MROH2A: variants seen among roughly 807,000 people sequenced by gnomAD.
The protein encoded by MROH2A is maestro heat-like repeat-containing protein family member 2A.
In MROH2A, 174 loss-of-function variants were observed where a neutral mutation model predicts 200.4. That is an observed-to-expected ratio of 0.87 (90% CI 0.77 to 0.98). MROH2A has a LOEUF of 0.98. MROH2A is among the 50% of genes least tolerant of loss of function. The probability of loss-of-function intolerance (pLI) is 0.00; values close to 1 mark genes in which losing one functional copy is unlikely to be tolerated. For missense variants in MROH2A, 2,045 were observed against 2,139.6 expected, an observed-to-expected ratio of 0.96 and a Z score of 0.87; for synonymous variants, 829 against 840.4, an observed-to-expected ratio of 0.99 and a Z score of 0.23.
rs191949663 is a variant in MROH2A, at chr2:233,799,747, A to C, written c.1330-33A>C. ...ATTGGGTGCCTTGGAGCCCACCCCA[A>C]CCCCCAGCATGTCCACGGTCCTGTC... On this transcript the variant is annotated intron_variant, in intron 12 of 41. Transcript: ENST00000389758. The C allele has an allele frequency of 8.9e-3, 13,794 of 1,549,008 alleles. 94 individuals are homozygous for C. The highest frequency in any genetic ancestry group is 0.01 in the Non-Finnish European group (11,885 of 1,146,464).
intron 38 of MROH2A, among the ~76,000 whole-genome samples, chr2:233,830,468 TAAC>T (rs904191359): frequency 1.3e-5 from 2 of 152,174 alleles, no homozygotes; most frequent in Non-Finnish European, 2.9e-5. Flanking sequence ...GCAGCTGGCC[TAAC>T]ATGAAAGAAA....
intron 13 of MROH2A, 61 bp from the exon 14 acceptor site, chr2:233,800,144 C>CT (rs1702366021): frequency 3.1e-6 from 4 of 1,295,352 alleles, no homozygotes; most frequent in South Asian, 2.8e-5. Context: ...GAGACCACAC[C>CT]TGAGACCACG....
At chr2:233,784,736 G>A (rs6723936) in intron 3 of MROH2A, among the ~76,000 whole-genome samples, 96,150 of 152,108 alleles carry the variant, frequency 0.63, 30,539 homozygotes, top group Middle Eastern at 0.72. Context: ...AGCAGAGGCC[G>A]GCAGCATACT....
In MROH2A at chr2:233,795,636, T is replaced by C; in HGVS notation, c.967-17T>C. 6.4e-7 allele frequency: 1 copy of C among 1,550,900 alleles called. No individual in the cohort carries two copies. On this transcript the variant is annotated splice_polypyrimidine_tract_variant and intron_variant, in intron 8 of 41. Transcript: ENST00000389758. ...TTGGTAGAAGGTCACCTGCCACCAT[T>C]TGCCAATCCACTGCAGGTCTTGAGG...
chr2:233,809,021 C>G, intron 21 of MROH2A, 105 bp from the exon 22 acceptor site: 1 of 1,301,342 alleles, frequency 7.7e-7, no homozygotes, highest in Non-Finnish European at 1.0e-6. Flanking sequence ...TGAAGCACCG[C>G]CAGCTGACTC....
At chr2:233,780,080 C>T (rs1700875778) in intron 3 of MROH2A, among the ~76,000 whole-genome samples, 1 of 152,186 alleles carries the variant, frequency 6.6e-6, no homozygotes, top group Non-Finnish European at 1.5e-5. Flanking sequence ...GAGCCATTGT[C>T]CTACAGCACA....
chr2:233,823,688 G>T (rs1442358905), intron 35 of MROH2A, 24 bp downstream of exon 35: 1 of 1,546,202 alleles, frequency 6.5e-7, no homozygotes. Context: ...ACCGGGTGTG[G>T]GCGGGGTGCA....
intron 15 of MROH2A, chr2:233,802,522 T>C (rs953465835): frequency 2.1e-5 from 12 of 558,190 alleles, no homozygotes; most frequent in Non-Finnish European, 3.1e-5. Flanking sequence ...GTAAACTTCC[T>C]TTGGATAGCT....
chr2:233,818,893 C>T (rs565571462), intron 29 of MROH2A, 123 bp downstream of exon 29: 29 of 641,204 alleles, frequency 4.5e-5, no homozygotes, highest in African/African-American at 9.2e-5. Flanking sequence ...TCAGCTTCCA[C>T]GGCCTTTGGC....
chr2:233,788,222 G>A (rs934393830), intron 3 of MROH2A, among the ~76,000 whole-genome samples: 23 of 123,820 alleles, frequency 1.9e-4, no homozygotes, highest in African/African-American at 7.2e-4. Flanking sequence ...TTAAAGTCTC[G>A]TTGGGGTGTG....
At position 233,796,026 on chromosome 2, in the gene MROH2A, G is replaced by A. The variant is rs770223844; in HGVS notation, c.1119G>A (p.Val373=). The A allele has an allele frequency of 1.0e-5, 16 of 1,550,578 alleles. No homozygotes were observed. The highest frequency in any genetic ancestry group is 1.4e-5 in the African/African-American group (1 of 73,180). The change falls in exon 10 of 42, where the codon GTG becomes GTA. Residue 373 remains valine (V), a synonymous_variant. Coordinates refer to ENST00000389758, the MANE Select transcript of MROH2A (RefSeq NM_001394639.1). ...GCAGCCAGAATCTGATGGAGATGGT[G>A]CACTGCTTCGTAGCCCTTGGTGAGG... ...QYSSQNLMEM[V]HCFVALARSY...
chr2:233,809,002 ACAGT>A (rs1702981665), intron 21 of MROH2A, 120 bp from the exon 22 acceptor site: 12 of 1,028,308 alleles, frequency 1.2e-5, no homozygotes, highest in African/African-American at 1.6e-5. Context: ...CACCCAGAAA[ACAGT>A]CAGGTGAAGC....
At chr2:233,817,096 C>A (rs1419712422) in intron 27 of MROH2A, among the ~76,000 whole-genome samples, 1 of 152,132 alleles carries the variant, frequency 6.6e-6, no homozygotes, top group Non-Finnish European at 1.5e-5. Context: ...CTTTGTGGGG[C>A]CTGTGGCTTC....
chr2:233,807,369 C>T lies in MROH2A; in HGVS notation c.2053-54C>T. 2.6e-6 allele frequency: 4 copies of T among 1,511,712 alleles called. No homozygotes were observed. Among genetic ancestry groups the T allele is most frequent in the Non-Finnish European group, 3.6e-6 (4 of 1,125,684 alleles). The allele number at this position is 1,511,712 out of a possible 1,614,324, so 93.6% of individuals were successfully genotyped here. ...AGAAAACTCTCTACAACAGCACCCC[C>T]TGAAGGCTGGCTGTAGGGAGGCCTG... On this transcript the variant is annotated intron_variant, in intron 19 of 41. Transcript: ENST00000389758. This position sits in a 1 kb window ranked among gnomAD's most constrained non-coding sequence, Gnocchi z 4.3.
rs765175624 is a variant in MROH2A, at chr2:233,789,514, G to A, written c.294G>A (p.Lys98=). 8.1e-5 allele frequency: 117 copies of A among 1,448,160 alleles called. No individual in the cohort carries two copies. Among genetic ancestry groups the A allele is most frequent in the Non-Finnish European group, 1.0e-4 (114 of 1,097,626 alleles). The allele number at this position is 1,448,160 out of a possible 1,614,324, so 89.7% of individuals were successfully genotyped here. The change falls in exon 4 of 42, where the codon AAG becomes AAA. Residue 98 remains lysine, a synonymous_variant. Coordinates refer to ENST00000389758, the MANE Select transcript of MROH2A (RefSeq NM_001394639.1). ...LQVPEISTQR[K]VNIYNILQDI... ...TTTCCCAGATTTCCACCCAGCGCAAGGTCAACATTTACAACATCCTCCAGG... is the reference window on the plus strand; with the variant it reads ...TTTCCCAGATTTCCACCCAGCGCAAAGTCAACATTTACAACATCCTCCAGG...
At position 233,810,908 on chromosome 2, in the gene MROH2A, A is replaced by T. The variant is rs994927372; in HGVS notation, c.2563A>T (p.Ile855Phe). 6.5e-7 allele frequency: 1 copy of T among 1,549,902 alleles called. No individual in the cohort carries two copies. Among genetic ancestry groups the T allele is most frequent in the African/African-American group, 1.4e-5 (1 of 73,016 alleles). ...HFAQKTTLTSIIVAVIKAEPT... is the reference protein window; with the variant it reads ...HFAQKTTLTSFIVAVIKAEPT... ...TGCCCAGAAGACGACTCTTACCAGCATTATAGTGGTAAGCTGGGTGGGGCA... is the reference window on the plus strand; with the variant it reads ...TGCCCAGAAGACGACTCTTACCAGCTTTATAGTGGTAAGCTGGGTGGGGCA... The change falls in exon 23 of 42, where the codon ATT becomes TTT. Residue 855 changes from isoleucine (I) to phenylalanine (F), a missense_variant. Coordinates refer to ENST00000389758, the MANE Select transcript of MROH2A (RefSeq NM_001394639.1).
At position 233,795,679 on chromosome 2, in the gene MROH2A, A is replaced by T; in HGVS notation, c.993A>T (p.Ser331=). ...TCTTGAGGCAGATCCTGGAACTGTC[A>T]GTCACCACCAACACCCCTGTCCCCC... ...TQVLRQILEL[S]VTTNTPVPQM... is the part of the protein sequence containing the mutation. The change falls in exon 9 of 42, where the codon TCA becomes TCT. Residue 331 remains serine, a synonymous_variant. Transcript: ENST00000389758. 1 of 1,551,006 alleles carries T rather than the reference A, an allele frequency of 6.4e-7. No individual in the cohort carries two copies. Among genetic ancestry groups the T allele is most frequent in the Non-Finnish European group, 8.7e-7 (1 of 1,146,996 alleles).
intron 3 of MROH2A, among the ~76,000 whole-genome samples, chr2:233,783,051 TC>T (rs1701023673): frequency 6.6e-6 from 1 of 152,234 alleles, no homozygotes; most frequent in African/African-American, 2.4e-5. Flanking sequence ...CATCCTTACA[TC>T]CTTGGGATGA....
At chr2:233,821,375 C>T (rs556556096) in intron 31 of MROH2A, among the ~76,000 whole-genome samples, 22 of 148,378 alleles carry the variant, frequency 1.5e-4, no homozygotes, top group Admixed American at 6.0e-4. Flanking sequence ...TCTCCATTTA[C>T]TCCTGCCCCC....
Sources: gnomAD v4.1 joint callset for allele counts (sites outside exome capture counted in the v4.1 genomes callset) on GRCh38, gnomAD v4.1.1 for gene constraint, Gnocchi (gnomAD v3.1) non-coding constraint, MANE v1.5 for transcripts, NCBI Gene and HGNC (gene_info 2026-07-23, HGNC 2026-07-21) for gene names.